ADGRB3: variants seen among roughly 807,000 people sequenced by gnomAD.
The protein encoded by ADGRB3 is adhesion G protein-coupled receptor B3.
A neutral mutation model predicts 193.4 loss-of-function variants in ADGRB3; 37 were observed. The observed-to-expected ratio is 0.19, with a 90% CI of 0.15 to 0.25. The LOEUF (loss-of-function observed/expected upper bound fraction) is 0.25. Among genes scored for constraint, ADGRB3 ranks in the 10% least tolerant of loss-of-function variants. The pLI, the probability that ADGRB3 is intolerant of heterozygous loss-of-function variation, is 1.00. For synonymous variants in ADGRB3, 690 were observed against 644.2 expected, an observed-to-expected ratio of 1.07 and a Z score of -1.08; for missense variants, 1,637 against 1,852.9, an observed-to-expected ratio of 0.88 and a Z score of 2.14.
intron 17 of ADGRB3, among the ~76,000 whole-genome samples, chr6:69,113,400 CAT>C: frequency 6.6e-6 from 1 of 151,764 alleles, no homozygotes; most frequent in Non-Finnish European, 1.5e-5. Flanking sequence ...GTGTATATAT[CAT>C]ATATACTCCA....
At chr6:69,262,608 A>C (rs190706883) in intron 20 of ADGRB3, among the ~76,000 whole-genome samples, 1 of 152,118 alleles carries the variant, frequency 6.6e-6, no homozygotes, top group African/African-American at 2.4e-5. Flanking sequence ...ATGATACAAT[A>C]ATTCCCTCTT....
chr6:68,871,161 C>T (rs1765444882), intron 3 of ADGRB3, among the ~76,000 whole-genome samples: 2 of 152,096 alleles, frequency 1.3e-5, no homozygotes, highest in Non-Finnish European at 2.9e-5. Context: ...TTGTTTTATT[C>T]TTATGAACAA....
At chr6:68,787,365 C>T (rs995266329) in intron 3 of ADGRB3, among the ~76,000 whole-genome samples, 1 of 151,964 alleles carries the variant, frequency 6.6e-6, no homozygotes, top group African/African-American at 2.4e-5. Context: ...TAGCATGAAG[C>T]GTTGTTGAAT....
At chr6:68,700,796 GAACATCACACACCGGGGCC>G (rs1765230292) in intron 3 of ADGRB3, among the ~76,000 whole-genome samples, 1 of 128,892 alleles carries the variant, frequency 7.8e-6, no homozygotes, top group Non-Finnish European at 1.6e-5. Context: ...ACAAGAAGGG[GAACATCACACACCGGGGCC>G]TGTCGTAGGG....
rs550852877 is a variant in ADGRB3, at chr6:68,766,918, C to A, written c.757+127486C>A. 3.0e-3 allele frequency among the ~76,000 whole-genome samples: 454 copies of A among 152,062 alleles called. 6 individuals are homozygous for A. The highest frequency in any genetic ancestry group is 0.011 in the African/African-American group (442 of 41,520). ...GAGACAATAATTCATTTGTAACATA[C>A]TGGTTTTTCATCCATGGTTCTCAAA... On this transcript the variant is annotated intron_variant, in intron 3 of 31. Coordinates refer to ENST00000370598, the MANE Select transcript of ADGRB3 (RefSeq NM_001704.3).
intron 3 of ADGRB3, among the ~76,000 whole-genome samples, chr6:68,658,009 A>G (rs781477338): frequency 4.6e-5 from 7 of 151,410 alleles, no homozygotes; most frequent in Non-Finnish European, 1.0e-4. Context: ...ACAACAGACT[A>G]CTAAGCCCAT....
chr6:69,113,640 A>G lies in ADGRB3; in HGVS notation c.2480+37602A>G, dbSNP rs138666585. ...ATATTACCTAAGTTCAGAAATTTAT[A>G]TCATTTGTTACAACATTTCCTGGCA... On this transcript the variant is annotated intron_variant, in intron 17 of 31. Coordinates refer to ENST00000370598, the MANE Select transcript of ADGRB3 (RefSeq NM_001704.3). Among the ~76,000 whole-genome samples, 62 of 152,332 alleles carry G rather than the reference A, an allele frequency of 4.1e-4. 1 individual carries two copies. In the East Asian group the frequency reaches 0.011, roughly 27 times the overall value.
At chr6:68,780,744 G>A (rs1766836717) in intron 3 of ADGRB3, among the ~76,000 whole-genome samples, 1 of 151,974 alleles carries the variant, frequency 6.6e-6, no homozygotes, top group African/African-American at 2.4e-5. Context: ...TGTAAAAATA[G>A]TACAGAGTTC....
At chr6:69,112,123 T>C (rs752248163) in intron 17 of ADGRB3, among the ~76,000 whole-genome samples, 28 of 152,194 alleles carry the variant, frequency 1.8e-4, no homozygotes, top group Admixed American at 3.9e-4. Context: ...TTACAGTCCA[T>C]GCATAGGCAG....
intron 3 of ADGRB3, among the ~76,000 whole-genome samples, chr6:68,766,667 A>G (rs544125858): frequency 6.6e-6 from 1 of 152,162 alleles, no homozygotes; most frequent in Non-Finnish European, 1.5e-5. Context: ...AAACATGTAT[A>G]CTAAATGATT....
At chr6:69,287,362 ACT>A (rs1193888415) in intron 20 of ADGRB3, among the ~76,000 whole-genome samples, 4 of 152,074 alleles carry the variant, frequency 2.6e-5, no homozygotes, top group Non-Finnish European at 5.9e-5. Flanking sequence ...CAGTAGGAAA[ACT>A]CTTTACATGT....
intron 20 of ADGRB3, among the ~76,000 whole-genome samples, chr6:69,259,621 G>C (rs899377616): frequency 6.6e-6 from 1 of 150,522 alleles, no homozygotes; most frequent in South Asian, 2.1e-4. Flanking sequence ...GCATGAACTC[G>C]GGAGGCAGAG....
At position 69,063,962 on chromosome 6, in the gene ADGRB3, A is replaced by C. The variant is rs3778235; in HGVS notation, c.2436+926A>C. Among the ~76,000 whole-genome samples the C allele has an allele frequency of 1.7e-4, 26 of 151,958 alleles. No homozygotes were observed. In the East Asian group the frequency reaches 4.6e-3, roughly 27 times the overall value. ...TTTTTATCCTTGCAAAGTTTTTATGAAGTTGACCTTTCTTTACATTGAAAA... is the reference window on the plus strand; with the variant it reads ...TTTTTATCCTTGCAAAGTTTTTATGCAGTTGACCTTTCTTTACATTGAAAA... On this transcript the variant is annotated intron_variant, in intron 16 of 31. Transcript: ENST00000370598.
At chr6:69,182,278 C>T (rs954273704) in intron 17 of ADGRB3, among the ~76,000 whole-genome samples, 5 of 151,862 alleles carry the variant, frequency 3.3e-5, no homozygotes, top group Admixed American at 6.6e-5. Context: ...GAAAGATAAT[C>T]GTAGAGTTAC....
chr6:68,898,129 G>A (rs1172755529), intron 3 of ADGRB3, among the ~76,000 whole-genome samples: 1 of 151,838 alleles, frequency 6.6e-6, no homozygotes, highest in Non-Finnish European at 1.5e-5. Flanking sequence ...GCAAGGTGGA[G>A]AACCAGGAAA....
At chr6:69,219,597 C>T (rs1021605213) in intron 17 of ADGRB3, among the ~76,000 whole-genome samples, 1 of 150,230 alleles carries the variant, frequency 6.7e-6, no homozygotes, top group African/African-American at 2.4e-5. Context: ...ACAAGGAACA[C>T]AACTGGAGTT....
At chr6:68,992,774 G>A (rs1032340967) in intron 10 of ADGRB3, among the ~76,000 whole-genome samples, 1 of 152,018 alleles carries the variant, frequency 6.6e-6, no homozygotes, top group Non-Finnish European at 1.5e-5. Context: ...ATACTTTTTT[G>A]ATTAGATCAG....
intron 17 of ADGRB3, among the ~76,000 whole-genome samples, chr6:69,176,905 G>A (rs1190905839): frequency 6.6e-6 from 1 of 152,110 alleles, no homozygotes; most frequent in Non-Finnish European, 1.5e-5. Flanking sequence ...AGATTTTCTA[G>A]TTTGTCTGCA....
chr6:68,690,296 G>A lies in ADGRB3; in HGVS notation c.757+50864G>A, dbSNP rs1765050458. Among the ~76,000 whole-genome samples, 3 of 152,098 alleles carry A rather than the reference G, an allele frequency of 2.0e-5. No homozygotes were observed. In the South Asian group the frequency reaches 6.2e-4, roughly 32 times the overall value. ...TGTGCAGGAAGTTTTTCCCTAAAAA[G>A]ACTTGGAAATATTACAACGTACCTT... On this transcript the variant is annotated intron_variant, in intron 3 of 31. Coordinates refer to ENST00000370598, the MANE Select transcript of ADGRB3 (RefSeq NM_001704.3).
Sources: gnomAD v4.1 joint callset for allele counts (sites outside exome capture counted in the v4.1 genomes callset) on GRCh38, gnomAD v4.1.1 for gene constraint, MANE v1.5 for transcripts, NCBI Gene and HGNC (gene_info 2026-07-23, HGNC 2026-07-21) for gene names.